The following TLE3 variants were observed in gnomAD, a reference collection of about 807,000 sequenced individuals.
TLE3 encodes transducin-like enhancer protein 3.
TLE3 carries 14 observed loss-of-function variants against 93.0 expected under a neutral mutation model. That is an observed-to-expected ratio of 0.15 (90% CI 0.10 to 0.24). The LOEUF is 0.24. Ranked by LOEUF, TLE3 falls within the 10% of genes least tolerant of loss-of-function variation. The pLI, the probability that TLE3 is intolerant of heterozygous loss-of-function variation, is 1.00. For synonymous variants in TLE3, 451 were observed against 425.0 expected (o/e 1.06, Z -0.75); for missense variants, 693 against 1,046.6 (o/e 0.66, Z 4.66).
rs1445034014 is a variant in TLE3, at chr15:70,054,579, G to A, written c.1685C>T (p.Thr562Met). 3 of 1,613,742 alleles carry A rather than the reference G, an allele frequency of 1.9e-6. No individual in the cohort carries two copies. Among genetic ancestry groups the A allele is most frequent in the Non-Finnish European group, 1.7e-6 (2 of 1,179,788 alleles). The change falls in exon 16 of 20, where the codon ACG (threonine) becomes ATG (methionine). Residue 562 changes from threonine (T) to methionine (M), a missense_variant. Around this residue, in one of 4 missense-constraint regions of TLE3, gnomAD observed 153 missense variants for 379.9 expected, o/e 0.40. Transcript: ENST00000451782. ...TLTIWDLASP[T>M]PRIKAELTSS... is the part of the protein sequence containing the mutation. ...CGTCAGCTCGGCCTTGATGCGGGGC[G>A]TGGGCGAGGCCAGGTCCCAGATGGT...
At chr15:70,081,472 C>T (rs1027521702) in intron 4 of TLE3, among the ~76,000 whole-genome samples, 26 of 152,236 alleles carry the variant, frequency 1.7e-4, no homozygotes, top group African/African-American at 6.3e-4. Flanking sequence ...AGCAAAACTG[C>T]GCTTCACTGT....
chr15:70,050,097 T>C lies in TLE3; in HGVS notation c.2310A>G (p.Ter770=), dbSNP rs2141350890. Residue 770 remains the stop codon, a stop_retained_variant, in exon 20 of 20, where the codon TAA becomes TAG. Coordinates refer to ENST00000451782, the MANE Select transcript of TLE3 (RefSeq NM_001105192.3). ...KKATVYEVIY[*] The stretch of plus-strand genomic sequence containing the variant: ...TTGACAGCCCTGCTGGAGTTCTTGT[T>C]TAGTAGATGACCTCATAAACTGTGG... 6.2e-7 allele frequency: 1 copy of C among 1,612,894 alleles called. No individual in the cohort carries two copies. Among genetic ancestry groups the C allele is most frequent in the African/African-American group, 1.3e-5 (1 of 75,042 alleles).
chr15:70,084,121 G>C (rs1386872302), intron 4 of TLE3, among the ~76,000 whole-genome samples: 1 of 152,198 alleles, frequency 6.6e-6, no homozygotes, highest in East Asian at 1.9e-4. Flanking sequence ...TTACAGATGA[G>C]TCAAATGAGG....
At chr15:70,067,434 G>C (rs2141671002) in intron 6 of TLE3, among the ~76,000 whole-genome samples, 1 of 152,324 alleles carries the variant, frequency 6.6e-6, no homozygotes, top group African/African-American at 2.4e-5. Flanking sequence ...GGCTGGAGTA[G>C]GTAGCTAGTA....
chr15:70,096,108 G>A, intron 2 of TLE3, 53 bp downstream of exon 2: 2 of 1,366,268 alleles, frequency 1.5e-6, no homozygotes, highest in Non-Finnish European at 9.5e-7. Flanking sequence ...CAGGAGCCGC[G>A]CAGGGGACCC....
chr15:70,053,515 G>A, intron 16 of TLE3, 141 bp from the exon 17 acceptor site: 1 of 972,020 alleles, frequency 1.0e-6, no homozygotes, highest in African/African-American at 1.6e-5. Flanking sequence ...TAGCGAGCTT[G>A]CAGCAAAGCT....
chr15:70,059,985 G>A (rs998993605), intron 9 of TLE3, among the ~76,000 whole-genome samples: 1 of 152,220 alleles, frequency 6.6e-6, no homozygotes, highest in African/African-American at 2.4e-5. Flanking sequence ...GACCGCTGAG[G>A]CCCTGCACCA....
chr15:70,052,187 C>G (rs186371983), intron 18 of TLE3, among the ~76,000 whole-genome samples, 187 bp downstream of exon 18: 1 of 152,212 alleles, frequency 6.6e-6, no homozygotes, highest in African/African-American at 2.4e-5. Context: ...CATCTGCATC[C>G]GAGAAACAAG....
intron 9 of TLE3, among the ~76,000 whole-genome samples, chr15:70,059,824 G>A (rs2056345427): frequency 6.6e-6 from 1 of 152,224 alleles, no homozygotes; most frequent in African/African-American, 2.4e-5. Flanking sequence ...ATCCTTCACA[G>A]TCAGTGTGCT....
chr15:70,092,412 T>C lies in TLE3; in HGVS notation c.234+2120A>G, dbSNP rs540355565. On this transcript the variant is annotated intron_variant, in intron 4 of 19. Coordinates refer to ENST00000451782, the MANE Select transcript of TLE3 (RefSeq NM_001105192.3). Reference sequence around the variant, plus strand: ...GAGCACACATGTTCAGGCTGGGAACTCAGGCTAGAGGGCAAAGGTGAGTGG... The same window carrying C: ...GAGCACACATGTTCAGGCTGGGAACCCAGGCTAGAGGGCAAAGGTGAGTGG... Among the ~76,000 whole-genome samples the C allele has an allele frequency of 2.6e-5, 4 of 152,312 alleles. No homozygotes were observed. In the South Asian group the frequency reaches 8.3e-4, roughly 32 times the overall value.
chr15:70,085,970 C>A (rs992030253), intron 4 of TLE3, among the ~76,000 whole-genome samples: 6 of 152,224 alleles, frequency 3.9e-5, no homozygotes, highest in Non-Finnish European at 8.8e-5. Flanking sequence ...GGGCCTCCTT[C>A]TAGGAAAAGA....
chr15:70,058,655 C>T lies in TLE3; in HGVS notation c.918+8G>A. 1 of 1,586,508 alleles carries T rather than the reference C, an allele frequency of 6.3e-7. No individual in the cohort carries two copies. The highest frequency in any genetic ancestry group is 8.6e-7 in the Non-Finnish European group (1 of 1,165,640). ...CTTCCCACTCCCTTCCACCCAGACC[C>T]CACATACATGACCAAGGTCTTTGGT... On this transcript the variant is annotated splice_region_variant and intron_variant, in intron 11 of 19. Transcript: ENST00000451782. This position sits in a 1 kb window ranked among gnomAD's most constrained non-coding sequence, Gnocchi z 4.1.
intron 4 of TLE3, among the ~76,000 whole-genome samples, chr15:70,078,214 C>T (rs1012520695): frequency 5.3e-5 from 8 of 152,134 alleles, no homozygotes; most frequent in African/African-American, 1.2e-4. Flanking sequence ...ATTTTTTCCT[C>T]GCCTAAATCA....
Position 70,055,135 on chromosome 15 carries a change from C to T in TLE3, c.1492G>A (p.Val498Ile), listed in dbSNP as rs1224907872. 4.3e-6 allele frequency: 7 copies of T among 1,613,892 alleles called. No homozygotes were observed. Among genetic ancestry groups the T allele is most frequent in the Non-Finnish European group, 5.9e-6 (7 of 1,179,992 alleles). The stretch of plus-strand genomic sequence containing the variant: ...ACGCAGCCCTTGCCACCTGTGTAGA[C>T]GTGCCTCGTGGGGTTGCTGATGGTC... ...AVTISNPTRHVYTGGKGCVKI... is the reference protein window; with the variant it reads ...AVTISNPTRHIYTGGKGCVKI... The change falls in exon 15 of 20, where the codon GTC (valine) becomes ATC (isoleucine). Residue 498 changes from valine to isoleucine, a missense_variant. By Grantham distance (29) the Val-to-Ile change is conservative (BLOSUM62 3). Around this residue, in one of 4 missense-constraint regions of TLE3, gnomAD observed 153 missense variants for 379.9 expected, o/e 0.40. Coordinates refer to ENST00000451782, the MANE Select transcript of TLE3 (RefSeq NM_001105192.3).
At chr15:70,051,272 G>C (rs2055513290) in intron 19 of TLE3, 119 bp downstream of exon 19, 5 of 1,010,340 alleles carry the variant, frequency 4.9e-6, no homozygotes. Context: ...GACCAGGGCA[G>C]GTCTGATCCT....
chr15:70,074,386 A>G, intron 6 of TLE3, 147 bp downstream of exon 6: 1 of 985,864 alleles, frequency 1.0e-6, no homozygotes, highest in South Asian at 1.6e-5. Flanking sequence ...CATGGGTCCA[A>G]GCCCTTGGGG....
chr15:70,058,017 G>T lies in TLE3; in HGVS notation c.1051+142C>A. The T allele has an allele frequency of 7.4e-7, 1 of 1,343,060 alleles. No individual in the cohort carries two copies. Among genetic ancestry groups the T allele is most frequent in the Non-Finnish European group, 1.0e-6 (1 of 989,496 alleles). The allele number at this position is 1,343,060 out of a possible 1,614,324, so 83.2% of individuals were successfully genotyped here. A position where few individuals can be genotyped will look rare whatever the true frequency, so the allele number is the denominator to read the frequency against. On this transcript the variant is annotated intron_variant, in intron 12 of 19. Transcript: ENST00000451782. This position sits in a 1 kb window ranked among gnomAD's most constrained non-coding sequence, Gnocchi z 4.1. ...ACCCTGGTGTCACCTCCTCAAATCT[G>T]ACCGTGAAGTCCCCAGGGGCAGGCC...
At chr15:70,077,433 G>C (rs1669488141) in intron 4 of TLE3, among the ~76,000 whole-genome samples, 1 of 152,214 alleles carries the variant, frequency 6.6e-6, no homozygotes, top group African/African-American at 2.4e-5. Context: ...GTGATCATCT[G>C]CATGTCAAAT....
Position 70,049,218 on chromosome 15 carries a change from G to C in TLE3, c.*879C>G, listed in dbSNP as rs1444064625. 1 of 152,362 alleles carries C rather than the reference G, an allele frequency of 6.6e-6. No individual in the cohort carries two copies. Among genetic ancestry groups the C allele is most frequent in the African/African-American group, 2.4e-5 (1 of 41,444 alleles). The allele number at this position is 152,362 out of a possible 1,614,324, so 9.4% of individuals were successfully genotyped here. On this transcript the variant is annotated 3_prime_UTR_variant, in exon 20 of 20. Coordinates refer to ENST00000451782, the MANE Select transcript of TLE3 (RefSeq NM_001105192.3). The stretch of plus-strand genomic sequence containing the variant: ...CCAGGCTGAGGAGGAGAGAGGGAGA[G>C]ACCAAGAAAGAGAGACACAGAGAGG...
Sources: allele counts gnomAD v4.1 joint callset (sites outside exome capture counted in the v4.1 genomes callset), GRCh38; gene constraint gnomAD v4.1.1; regional missense constraint gnomAD v4.1.1; non-coding constraint Gnocchi (gnomAD v3.1); transcripts MANE v1.5; gene names NCBI Gene and HGNC (gene_info 2026-07-23, HGNC 2026-07-21).